The following ZFR variants were observed in gnomAD, a reference collection of about 807,000 sequenced individuals.
ZFR encodes zinc finger RNA binding protein.
ZFR carries 19 observed loss-of-function variants against 130.7 expected under a neutral mutation model. The ratio of observed to expected loss-of-function variants is 0.15; its 90% CI spans 0.10 to 0.21. The LOEUF is 0.21. ZFR is among the 10% of genes least tolerant of loss of function. The pLI is 1.00. For synonymous variants in ZFR, 466 were observed against 456.9 expected (o/e 1.02, Z -0.25); for missense variants, 872 against 1,321.5 (o/e 0.66, Z 5.27).
intron 15 of ZFR, among the ~76,000 whole-genome samples, chr5:32,383,329 C>T (rs1282487697): frequency 6.6e-6 from 1 of 152,190 alleles, no homozygotes; most frequent in Non-Finnish European, 1.5e-5. Flanking sequence ...TCAATCCCCT[C>T]TGCTAGAAGG....
At chr5:32,369,892 C>T (rs1316734161) in intron 17 of ZFR, among the ~76,000 whole-genome samples, 1 of 152,094 alleles carries the variant, frequency 6.6e-6, no homozygotes, top group Admixed American at 6.5e-5. Context: ...AGTTCCAAAA[C>T]ATCTCCATTA....
chr5:32,364,296 T>C, intron 17 of ZFR, 21 bp from the exon 18 acceptor site: 1 of 1,545,262 alleles, frequency 6.5e-7, no homozygotes, highest in Non-Finnish European at 8.8e-7. Context: ...AACATAAAAA[T>C]GTGTTTAACA....
At chr5:32,415,356 T>C (rs186839599) in intron 4 of ZFR, among the ~76,000 whole-genome samples, 169 bp from the exon 5 acceptor site, 3 of 152,328 alleles carry the variant, frequency 2.0e-5, no homozygotes, top group Non-Finnish European at 1.5e-5. Context: ...CCAATATGAA[T>C]AGAATATACA....
intron 17 of ZFR, among the ~76,000 whole-genome samples, chr5:32,371,436 A>C (rs1302271394): frequency 6.6e-6 from 1 of 152,228 alleles, no homozygotes; most frequent in Non-Finnish European, 1.5e-5. Context: ...TGAATCAAAC[A>C]GAGGAAAAGG....
intron 2 of ZFR, among the ~76,000 whole-genome samples, chr5:32,429,352 AAGAAG>A (rs1482949989): frequency 5.3e-5 from 8 of 152,148 alleles, no homozygotes; most frequent in African/African-American, 1.9e-4. Context: ...GCTCTGGGTA[AAGAAG>A]AGAAAAGACT....
Position 32,417,787 on chromosome 5 carries a change from T to C in ZFR, c.426A>G (p.Ser142=). 7 of 1,612,556 alleles carry C rather than the reference T, an allele frequency of 4.3e-6. No individual in the cohort carries two copies. Among genetic ancestry groups the C allele is most frequent in the Non-Finnish European group, 5.1e-6 (6 of 1,179,220 alleles). ...PPATTQNYQD[S]YSYVRSTAPA... ...GAGCTGTGGACCTTACATATGAGTA[T>C]GAATCCTAAAGAAAAGGAATGAAAG... The change falls in exon 4 of 20, where the codon TCA becomes TCG. Residue 142 remains serine (S), a synonymous_variant. Transcript: ENST00000265069.
intron 17 of ZFR, among the ~76,000 whole-genome samples, chr5:32,375,808 G>T (rs561629550): frequency 6.6e-6 from 1 of 150,592 alleles, no homozygotes; most frequent in East Asian, 2.0e-4. Flanking sequence ...GACCATGACC[G>T]GTTGATCTTT....
At chr5:32,429,130 A>C (rs595092) in intron 2 of ZFR, among the ~76,000 whole-genome samples, 144,521 of 151,716 alleles carry the variant, frequency 0.95, 68,893 homozygotes, top group African/African-American at 0.98. Context: ...GGACTACAGG[A>C]GCCCGCCACC....
chr5:32,379,942 A>T (rs1035511671), intron 16 of ZFR, 133 bp downstream of exon 16: 3 of 623,628 alleles, frequency 4.8e-6, no homozygotes, highest in African/African-American at 3.6e-5. Flanking sequence ...CTATGTTAAC[A>T]TATTTTCTGA....
rs144548387 is a variant in ZFR at position 32,390,104 on chromosome 5, G to A, written c.2142+171C>T. On this transcript the variant is annotated intron_variant, in intron 12 of 19. Coordinates refer to ENST00000265069, the MANE Select transcript of ZFR (RefSeq NM_016107.5). ...AAGCGCACGTTACGTGCAGTGAGCCGAGATCACGCCACTGCACTCCAGCCT... is the reference window on the plus strand; with the variant it reads ...AAGCGCACGTTACGTGCAGTGAGCCAAGATCACGCCACTGCACTCCAGCCT... Among the ~76,000 whole-genome samples the A allele has an allele frequency of 3.1e-3, 471 of 152,178 alleles. 3 individuals are homozygous for A. The highest frequency in any genetic ancestry group is 0.011 in the African/African-American group (444 of 41,522).
chr5:32,385,462 GAA>G, intron 15 of ZFR, 44 bp downstream of exon 15: 2 of 1,584,688 alleles, frequency 1.3e-6, no homozygotes, highest in Non-Finnish European at 1.7e-6. Flanking sequence ...GTAGATAAAT[GAA>G]AAAAAAAGTT....
intron 15 of ZFR, among the ~76,000 whole-genome samples, chr5:32,384,718 A>T (rs1752997488): frequency 6.6e-6 from 1 of 152,152 alleles, no homozygotes; most frequent in Non-Finnish European, 1.5e-5. Flanking sequence ...TACTGCAGAC[A>T]CTGATCATGC....
intron 2 of ZFR, among the ~76,000 whole-genome samples, chr5:32,430,275 C>A (rs1015870992): frequency 6.6e-6 from 1 of 151,934 alleles, no homozygotes; most frequent in African/African-American, 2.4e-5. Context: ...GGGTCAAAAA[C>A]AACCAAATGA....
intron 8 of ZFR, among the ~76,000 whole-genome samples, chr5:32,402,064 T>C (rs1753460225): frequency 6.6e-6 from 1 of 152,224 alleles, no homozygotes. Context: ...ATTTAAAATG[T>C]GGCTGTCCAA....
intron 15 of ZFR, among the ~76,000 whole-genome samples, chr5:32,380,646 A>C (rs1286651870): frequency 1.7e-5 from 2 of 119,312 alleles, no homozygotes; most frequent in Non-Finnish European, 3.4e-5. Context: ...CAAAACAGGC[A>C]TTTCTTTTTT....
rs1201683619 is a variant in ZFR, at chr5:32,388,622, G to T, written c.2195C>A (p.Ala732Asp). The T allele has an allele frequency of 6.2e-7, 1 of 1,613,794 alleles. No homozygotes were observed. Among genetic ancestry groups the T allele is most frequent in the Admixed American group, 1.7e-5 (1 of 59,994 alleles). The part of the protein sequence containing the change: ...SDDRYVMTKH[A>D]TIYPTEEELQ... Reference sequence around the variant, plus strand: ...CTCCTCTTCAGTTGGATAAATGGTGGCATGTTTTGTCATTACATAACGGTC... The same window carrying T: ...CTCCTCTTCAGTTGGATAAATGGTGTCATGTTTTGTCATTACATAACGGTC... The change falls in exon 13 of 20, where the codon GCC (alanine) becomes GAC (aspartate). Residue 732 changes from alanine to aspartate, a missense_variant. By Grantham distance (126) the Ala-to-Asp change is moderately radical. Transcript: ENST00000265069.
intron 17 of ZFR, among the ~76,000 whole-genome samples, chr5:32,373,393 G>A (rs1428457800): frequency 6.6e-6 from 1 of 152,122 alleles, no homozygotes; most frequent in Non-Finnish European, 1.5e-5. Context: ...ACTCTGTCTC[G>A]GGGAAAGGGT....
At chr5:32,407,896 G>C (rs981431551) in intron 5 of ZFR, among the ~76,000 whole-genome samples, 2 of 152,040 alleles carry the variant, frequency 1.3e-5, no homozygotes, top group African/African-American at 2.4e-5. Flanking sequence ...GTTTCGCCAC[G>C]TTGCCTAGGC....
chr5:32,378,507 C>G (rs908354467), intron 17 of ZFR, among the ~76,000 whole-genome samples: 2 of 152,102 alleles, frequency 1.3e-5, no homozygotes, highest in Non-Finnish European at 2.9e-5. Flanking sequence ...GAATCCCTGT[C>G]TATCTGAATC....
Sources: gnomAD v4.1 joint callset for allele counts (sites outside exome capture counted in the v4.1 genomes callset) on GRCh38, gnomAD v4.1.1 for gene constraint, MANE v1.5 for transcripts, NCBI Gene and HGNC (gene_info 2026-07-23, HGNC 2026-07-21) for gene names.